Variants in NINL observed in about 807,000 individuals in gnomAD.
NINL encodes ninein-like protein.
Under a neutral mutation model 160.3 loss-of-function variants are expected in NINL, and 153 were observed. The ratio of observed to expected loss-of-function variants is 0.95; its 90% CI spans 0.84 to 1.09. NINL has a LOEUF of 1.09. Ranked by LOEUF, NINL falls within the 50% of genes least tolerant of loss-of-function variation. NINL has a pLI of 0.00. For synonymous variants in NINL, 800 were observed against 734.8 expected, an observed-to-expected ratio of 1.09 and a Z score of -1.43; for missense variants, 1,829 against 1,764.0, an observed-to-expected ratio of 1.04 and a Z score of -0.66.
chr20:25,579,206 C>T (rs1212285574), intron 1 of NINL, among the ~76,000 whole-genome samples: 1 of 152,060 alleles, frequency 6.6e-6, no homozygotes, highest in African/African-American at 2.4e-5. Flanking sequence ...ATTTGCAGAG[C>T]CTCTCCAGAC....
chr20:25,453,268 C>T lies in NINL; in HGVS notation c.*183G>A. The T allele has an allele frequency of 4.1e-6, 2 of 485,122 alleles. No homozygotes were observed. Among genetic ancestry groups the T allele is most frequent in the Non-Finnish European group, 7.0e-6 (2 of 287,364 alleles). The allele number at this position is 485,122 out of a possible 1,614,324, so 30.1% of individuals were successfully genotyped here. On this transcript the variant is annotated 3_prime_UTR_variant, in exon 24 of 24. Transcript: ENST00000278886. Reference sequence around the variant, plus strand: ...GCCGGCTTCTGCAACATGCATATTCCCCCAGCCCCCACCTCCATCTTGCCC... The same window carrying T: ...GCCGGCTTCTGCAACATGCATATTCTCCCAGCCCCCACCTCCATCTTGCCC...
At chr20:25,504,178 C>A in intron 6 of NINL, 74 bp from the exon 7 acceptor site, 1 of 1,464,440 alleles carries the variant, frequency 6.8e-7, no homozygotes, top group Non-Finnish European at 9.2e-7. Flanking sequence ...GGCCTCCCTC[C>A]CTCCCTCCCT....
At chr20:25,539,875 A>G in intron 1 of NINL, 1 of 366,306 alleles carries the variant, frequency 2.7e-6, no homozygotes, top group Admixed American at 3.6e-5. Flanking sequence ...AAAGAAACGG[A>G]GCTTTCCCTG....
chr20:25,569,245 T>A (rs1368294839), intron 1 of NINL, among the ~76,000 whole-genome samples: 19 of 148,458 alleles, frequency 1.3e-4, no homozygotes, highest in Admixed American at 1.1e-3. Flanking sequence ...AAAAAAAAAA[T>A]TAAATTAGAA....
chr20:25,557,339 T>C (rs1247841223), intron 1 of NINL, among the ~76,000 whole-genome samples: 1 of 152,068 alleles, frequency 6.6e-6, no homozygotes, highest in African/African-American at 2.4e-5. Flanking sequence ...CAGACCAGCC[T>C]GGCCAACATG....
Position 25,545,282 on chromosome 20 carries a change from T to C in NINL, c.-11-18684A>G, listed in dbSNP as rs114449595. Among the ~76,000 whole-genome samples the C allele has an allele frequency of 3.8e-3, 577 of 152,290 alleles. 5 individuals are homozygous for C. Among genetic ancestry groups the C allele is most frequent in the African/African-American group, 0.013 (555 of 41,558 alleles). ...GAGTAGGGACTAAAGGAGGAGTCAGTTCCACAGACATCTCCGGGTAGGTGG... is the reference window on the plus strand; with the variant it reads ...GAGTAGGGACTAAAGGAGGAGTCAGCTCCACAGACATCTCCGGGTAGGTGG... On this transcript the variant is annotated intron_variant, in intron 1 of 23. Transcript: ENST00000278886.
chr20:25,535,975 A>G (rs2064549190), intron 1 of NINL, among the ~76,000 whole-genome samples: 1 of 152,218 alleles, frequency 6.6e-6, no homozygotes, highest in South Asian at 2.1e-4. Context: ...CGCGCCAAGC[A>G]CACCCTTGTG....
intron 7 of NINL, among the ~76,000 whole-genome samples, chr20:25,501,830 T>C (rs890952174): frequency 1.3e-5 from 2 of 152,178 alleles, no homozygotes; most frequent in African/African-American, 4.8e-5. Context: ...GGTCTCACAA[T>C]GTTGTCTCAT....
Position 25,505,016 on chromosome 20 carries a change from A to T in NINL, c.580T>A (p.Phe194Ile). The change falls in exon 6 of 24, where the codon TTT becomes ATT. Residue 194 changes from phenylalanine to isoleucine, a missense_variant. Transcript: ENST00000278886. ...GSPQKSCSPSFDTPESQIRGV... is the reference protein window; with the variant it reads ...GSPQKSCSPSIDTPESQIRGV... ...CGGATCTGGCTCTCTGGGGTGTCAA[A>T]GGAGGGGCTGCAGGACTTCTGGGGG... 1 of 1,613,350 alleles carries T rather than the reference A, an allele frequency of 6.2e-7. No homozygotes were observed. The highest frequency in any genetic ancestry group is 8.5e-7 in the Non-Finnish European group (1 of 1,179,660).
chr20:25,548,721 A>C (rs1383180967), intron 1 of NINL, among the ~76,000 whole-genome samples: 1 of 147,956 alleles, frequency 6.8e-6, no homozygotes, highest in African/African-American at 2.5e-5. Flanking sequence ...CCCAGTACCC[A>C]CGGCCACATC....
At chr20:25,498,463 G>A in intron 8 of NINL, 117 bp from the exon 9 acceptor site, 1 of 1,335,588 alleles carries the variant, frequency 7.5e-7, no homozygotes, top group Non-Finnish European at 1.0e-6. Context: ...GGCAGCACCT[G>A]CCCCTCCTGT....
At chr20:25,489,809 C>T in intron 12 of NINL, 66 bp downstream of exon 12, 1 of 1,392,484 alleles carries the variant, frequency 7.2e-7, no homozygotes, top group Non-Finnish European at 1.0e-6. Flanking sequence ...CTGGCCACCC[C>T]CGCCACCCCC....
intron 7 of NINL, among the ~76,000 whole-genome samples, chr20:25,503,720 C>A (rs1193193081): frequency 6.6e-6 from 1 of 152,232 alleles, no homozygotes; most frequent in Non-Finnish European, 1.5e-5. Context: ...GAGAAGGTAA[C>A]TCCCCTAGTG....
rs1319002284 is a variant in NINL, at chr20:25,504,926, C to T, written c.670G>A (p.Val224Ile). 6.2e-7 allele frequency: 1 copy of T among 1,612,244 alleles called. No individual in the cohort carries two copies. The highest frequency in any genetic ancestry group is 2.2e-5 in the East Asian group (1 of 44,868). The stretch of plus-strand genomic sequence containing the variant: ...CCCTGGAGCCCGACGCTCTGGCAGA[C>T]CACAGCCAGCTCCTGCTCGCTCAGG... ...GHLSEQELAV[V>I]CQSVGLQGLE... is the part of the protein sequence containing the mutation. Residue 224 changes from valine to isoleucine, a missense_variant, in exon 6 of 24, where the codon GTC becomes ATC. Coordinates refer to ENST00000278886, the MANE Select transcript of NINL (RefSeq NM_025176.6).
In NINL at chr20:25,477,079, C is replaced by T. The variant is rs1055566752; in HGVS notation, c.2212G>A (p.Glu738Lys). 12 of 1,594,470 alleles carry T rather than the reference C, an allele frequency of 7.5e-6. No individual in the cohort carries two copies. The highest frequency in any genetic ancestry group is 3.5e-4 in the Middle Eastern group (2 of 5,758). Reference sequence around the variant, plus strand: ...GACAGCTCTCCACTCAGCTCCGCCTCAGCCTCTCTCCTGTGGAAGTAGAAC... The same window carrying T: ...GACAGCTCTCCACTCAGCTCCGCCTTAGCCTCTCTCCTGTGGAAGTAGAAC... ...SHLQQIRREA[E>K]AELSGELSGL... The change falls in exon 17 of 24, where the codon GAG (glutamate) becomes AAG (lysine). Residue 738 changes from glutamate to lysine, a missense_variant. By Grantham distance (56) the Glu-to-Lys change is moderately conservative (BLOSUM62 1). Coordinates refer to ENST00000278886, the MANE Select transcript of NINL (RefSeq NM_025176.6).
intron 19 of NINL, among the ~76,000 whole-genome samples, chr20:25,463,476 C>A (rs2062839560): frequency 6.6e-6 from 1 of 152,262 alleles, no homozygotes; most frequent in East Asian, 1.9e-4. Context: ...CTCCCACAGA[C>A]AAAGGATTTC....
chr20:25,495,482 C>G (rs1047768588), intron 10 of NINL, among the ~76,000 whole-genome samples: 4 of 152,190 alleles, frequency 2.6e-5, no homozygotes, highest in African/African-American at 4.8e-5. Flanking sequence ...GGTGGGCCGA[C>G]CTGCAGACCA....
Position 25,476,660 on chromosome 20 carries a change from A to G in NINL, c.2631T>C (p.Pro877=). The change falls in exon 17 of 24, where the codon CCT becomes CCC. Residue 877 remains proline (P), a synonymous_variant. Transcript: ENST00000278886. ...CTGTGTCCTGGGCTTGCCTGCGGCG[A>G]GGCCCGGCTCCTGCCGCCTCCTCAG... ...RESEEAAGAG[P]RRRQAQDTEA... 6.3e-7 allele frequency: 1 copy of G among 1,587,922 alleles called. No homozygotes were observed. Among genetic ancestry groups the G allele is most frequent in the South Asian group, 1.1e-5 (1 of 89,266 alleles).
Position 25,479,202 on chromosome 20 carries a change from T to C in NINL, c.1922A>G (p.Asn641Ser). The change falls in exon 16 of 24, where the codon AAT (asparagine) becomes AGT (serine). Residue 641 changes from asparagine (N) to serine (S), a missense_variant. Physicochemically the swap from Asn to Ser is conservative, Grantham distance 46. Transcript: ENST00000278886. ...TGCCGCAATTTCCCTTTCGTAGTAA[T>C]TTACCTAAAACGAGAAACATGAGCC... Reference protein sequence around the residue: ...DLRTQLETKVNYYEREIAALK... With the variant: ...DLRTQLETKVSYYEREIAALK... 2 of 1,603,946 alleles carry C rather than the reference T, an allele frequency of 1.2e-6. No individual in the cohort carries two copies. The highest frequency in any genetic ancestry group is 1.1e-5 in the South Asian group (1 of 90,482).
Sources: gnomAD v4.1 joint callset for allele counts (sites outside exome capture counted in the v4.1 genomes callset) on GRCh38, gnomAD v4.1.1 for gene constraint, MANE v1.5 for transcripts, NCBI Gene and HGNC (gene_info 2026-07-23, HGNC 2026-07-21) for gene names.